Variants in TENM3 observed in about 807,000 individuals in gnomAD.
TENM3 encodes teneurin-3.
TENM3 carries 63 observed loss-of-function variants against 255.1 expected under a neutral mutation model. The observed-to-expected ratio is 0.25, with a 90% CI of 0.20 to 0.30. The LOEUF (loss-of-function observed/expected upper bound fraction) is 0.30, where lower values mean the gene tolerates loss of function less well. TENM3 is among the 10% of genes least tolerant of loss of function. The pLI is 1.00. For missense variants in TENM3, 2,929 were observed against 3,461.1 expected (o/e 0.85, Z 3.86); for synonymous variants, 1,306 against 1,322.3 (o/e 0.99, Z 0.27).
At chr4:181,900,100 C>A in the TENM3 span, among the ~76,000 whole-genome samples, 3 of 152,284 alleles carry the variant, frequency 2.0e-5, no homozygotes, top group East Asian at 5.8e-4. Context: ...CACTTCATCA[C>A]AGCCCAAATA....
chr4:181,715,055 G>C, the TENM3 span, among the ~76,000 whole-genome samples: 1 of 152,118 alleles, frequency 6.6e-6, no homozygotes, highest in South Asian at 2.1e-4. Context: ...AGAACTGAGG[G>C]TTACCAATAT....
At chr4:182,022,361 C>G in the TENM3 span, among the ~76,000 whole-genome samples, 1 of 151,694 alleles carries the variant, frequency 6.6e-6, no homozygotes, top group Non-Finnish European at 1.5e-5. Context: ...CATGGACACA[C>G]AAATGGAAAC....
At chr4:181,986,711 C>T in the TENM3 span, among the ~76,000 whole-genome samples, 1 of 152,008 alleles carries the variant, frequency 6.6e-6, no homozygotes, top group African/African-American at 2.4e-5. Context: ...AGTTCTTGGT[C>T]GAATTCTCTT....
At chr4:181,906,981 C>T in the TENM3 span, among the ~76,000 whole-genome samples, 22,562 of 152,138 alleles carry the variant, frequency 0.15, 1,781 homozygotes, top group Non-Finnish European at 0.17. Context: ...TGAGTTCAAG[C>T]GATTCTCCTG....
intron 3 of TENM3, among the ~76,000 whole-genome samples, chr4:182,419,606 A>G (rs1463779641): frequency 6.6e-6 from 1 of 152,202 alleles, no homozygotes; most frequent in Non-Finnish European, 1.5e-5. Flanking sequence ...AATAGCAAAG[A>G]CTTGGAACCA....
At chr4:182,772,241 A>AC (rs1442194878) in intron 22 of TENM3, among the ~76,000 whole-genome samples, 7 of 151,796 alleles carry the variant, frequency 4.6e-5, no homozygotes, top group Non-Finnish European at 8.8e-5. Context: ...CAAACAAAAC[A>AC]CCTCTATCCT....
intron 2 of TENM3, among the ~76,000 whole-genome samples, chr4:182,327,578 T>A (rs1325458837): frequency 6.6e-6 from 1 of 152,228 alleles, no homozygotes; most frequent in African/African-American, 2.4e-5. Context: ...CATGTTATAT[T>A]TAGGTAGCAT....
At chr4:182,594,618 C>T (rs1343016403) in intron 3 of TENM3, among the ~76,000 whole-genome samples, 1 of 151,636 alleles carries the variant, frequency 6.6e-6, no homozygotes, top group Admixed American at 6.6e-5. Context: ...GCTGACAAGG[C>T]TTTTCTGTTA....
intron 1 of TENM3, among the ~76,000 whole-genome samples, chr4:182,162,698 T>C (rs1159723630): frequency 6.6e-6 from 1 of 152,210 alleles, no homozygotes; most frequent in African/African-American, 2.4e-5. Context: ...AGCACCTTGC[T>C]CTGCTTCTGA....
the TENM3 span, among the ~76,000 whole-genome samples, chr4:181,849,900 T>C: frequency 0.5 from 73,586 of 145,842 alleles, 18,674 homozygotes; most frequent in East Asian, 0.6. Flanking sequence ...CTTGACTGCA[T>C]ATTGGGATTA....
chr4:182,787,871 A>T (rs906258001), intron 24 of TENM3, among the ~76,000 whole-genome samples: 7 of 150,846 alleles, frequency 4.6e-5, no homozygotes, highest in Non-Finnish European at 7.4e-5. Flanking sequence ...CTGCCATTCC[A>T]CGGACTTCAC....
the TENM3 span, among the ~76,000 whole-genome samples, chr4:182,051,107 G>T: frequency 1.3e-5 from 2 of 152,022 alleles, 1 homozygote; most frequent in African/African-American, 4.8e-5. Context: ...ATTTTGGGAG[G>T]CCGAGGCAGG....
chr4:182,257,578 A>G (rs1449776360), intron 1 of TENM3, among the ~76,000 whole-genome samples: 3 of 152,306 alleles, frequency 2.0e-5, no homozygotes, highest in Admixed American at 6.5e-5. Context: ...ATGTATCAAC[A>G]CTGCCCAAGG....
At chr4:182,580,831 T>C (rs1250220196) in intron 3 of TENM3, among the ~76,000 whole-genome samples, 1 of 152,214 alleles carries the variant, frequency 6.6e-6, no homozygotes, top group African/African-American at 2.4e-5. Context: ...CTACGATCAC[T>C]TGTCATTTTT....
At chr4:182,313,878 T>A (rs931099037) in intron 1 of TENM3, among the ~76,000 whole-genome samples, 1 of 152,228 alleles carries the variant, frequency 6.6e-6, no homozygotes, top group African/African-American at 2.4e-5. Context: ...ATCCATCCAT[T>A]TTTCTAAATC....
chr4:182,123,687 C>T, the TENM3 span, among the ~76,000 whole-genome samples: 2 of 152,102 alleles, frequency 1.3e-5, no homozygotes, highest in Admixed American at 1.3e-4. Context: ...ATGTAATAAT[C>T]ATGAAAAATG....
At chr4:181,522,711 G>C in the TENM3 span, 1 of 680,812 alleles carries the variant, frequency 1.5e-6, no homozygotes, top group Non-Finnish European at 2.8e-6. Flanking sequence ...TTTTGAAAAA[G>C]ATGTTAAAGG....
chr4:182,010,527 G>A, the TENM3 span, among the ~76,000 whole-genome samples: 3 of 151,808 alleles, frequency 2.0e-5, no homozygotes, highest in Non-Finnish European at 4.4e-5. Context: ...AAAGTGCTGT[G>A]AGTTAAAATA....
chr4:182,539,405 AG>A (rs1740649655), intron 3 of TENM3, among the ~76,000 whole-genome samples: 1 of 152,114 alleles, frequency 6.6e-6, no homozygotes, highest in Non-Finnish European at 1.5e-5. Flanking sequence ...TGGATGAAGG[AG>A]TGAGCAAGGA....
Sources: gnomAD v4.1 joint callset for allele counts (sites outside exome capture counted in the v4.1 genomes callset) on GRCh38, gnomAD v4.1.1 for gene constraint, MANE v1.5 for transcripts, NCBI Gene and HGNC (gene_info 2026-07-23, HGNC 2026-07-21) for gene names.